RGS9: variants seen among roughly 807,000 people sequenced by gnomAD.
RGS9 encodes the protein regulator of G protein signaling 9.
In RGS9, 78 loss-of-function variants were observed where a neutral mutation model predicts 102.0. That is an observed-to-expected ratio of 0.76 (90% confidence interval 0.64 to 0.92). The LOEUF is 0.92. RGS9 is among the 40% of genes least tolerant of loss of function. The probability of loss-of-function intolerance (pLI) is 0.00; values close to 1 mark genes in which losing one functional copy is unlikely to be tolerated. For missense variants in RGS9, 833 were observed against 866.1 expected (o/e 0.96, Z 0.48); for synonymous variants, 353 against 318.6 (o/e 1.11, Z -1.15).
Position 65,153,441 on chromosome 17 carries a change from A to T in RGS9, c.77A>T (p.Asp26Val). 6.2e-7 allele frequency: 1 copy of T among 1,614,104 alleles called. No individual in the cohort carries two copies. The highest frequency in any genetic ancestry group is 8.5e-7 in the Non-Finnish European group (1 of 1,179,968). Residue 26 changes from aspartate to valine, a missense_variant, in exon 2 of 19, where the codon GAC becomes GTC. Asp to Val is a radical substitution (Grantham distance 152, BLOSUM62 -3). Around this residue, in one of 3 missense-constraint regions of RGS9, gnomAD observed 328 missense variants for 340.6 expected, o/e 0.96. Transcript: ENST00000262406. The part of the protein sequence containing the change: ...FLQKIEALVK[D>V]MQNPETGVRM... ...TTGCAGATTGAAGCGCTCGTGAAGG[A>T]CATGCAGAACCCAGAGACAGGGGTC...
chr17:65,177,125 GGT>G (rs1911667377), intron 8 of RGS9, among the ~76,000 whole-genome samples: 1 of 137,294 alleles, frequency 7.3e-6, no homozygotes, highest in East Asian at 2.3e-4. Context: ...ATCTCACTAT[GGT>G]GCTGGGGATG....
intron 1 of RGS9, among the ~76,000 whole-genome samples, chr17:65,150,178 C>G (rs1910522381): frequency 6.6e-6 from 1 of 152,176 alleles, no homozygotes; most frequent in South Asian, 2.1e-4. Flanking sequence ...CAGGAGAGAG[C>G]CCTGGGCCAG....
At chr17:65,162,484 A>C (rs1202815650) in intron 6 of RGS9, among the ~76,000 whole-genome samples, 6 of 152,092 alleles carry the variant, frequency 3.9e-5, no homozygotes. Context: ...TTTATTTGAG[A>C]GGAAGTCTCA....
intron 8 of RGS9, among the ~76,000 whole-genome samples, chr17:65,172,806 A>G (rs1278548274): frequency 6.6e-6 from 1 of 152,182 alleles, no homozygotes; most frequent in South Asian, 2.1e-4. Flanking sequence ...AACACAGGAC[A>G]CAGGACGTGG....
chr17:65,156,750 T>C (rs1598567267), intron 2 of RGS9, among the ~76,000 whole-genome samples: 2 of 152,290 alleles, frequency 1.3e-5, no homozygotes, highest in Admixed American at 1.3e-4. Flanking sequence ...TCTGCCTAGG[T>C]CTGTCTCTCT....
At chr17:65,225,572 G>A in intron 18 of RGS9, 86 bp downstream of exon 18, 1 of 1,588,410 alleles carries the variant, frequency 6.3e-7, no homozygotes, top group Non-Finnish European at 8.5e-7. Context: ...CTTTGGGCTG[G>A]GGACTGGGAT....
intron 17 of RGS9, among the ~76,000 whole-genome samples, chr17:65,222,171 G>A (rs1913725539): frequency 6.6e-6 from 1 of 152,188 alleles, no homozygotes; most frequent in Non-Finnish European, 1.5e-5. Context: ...TCAGCAGCTG[G>A]GGGCCACCTG....
At chr17:65,156,633 G>A (rs531342184) in intron 2 of RGS9, among the ~76,000 whole-genome samples, 1 of 152,238 alleles carries the variant, frequency 6.6e-6, no homozygotes, top group East Asian at 1.9e-4. Context: ...AGACCGCGTG[G>A]TACAGATGCT....
intron 1 of RGS9, among the ~76,000 whole-genome samples, chr17:65,143,091 G>A (rs1355986487): frequency 6.6e-6 from 1 of 152,028 alleles, no homozygotes; most frequent in Non-Finnish European, 1.5e-5. Context: ...TTTCCAGGTG[G>A]TTTGAATGTG....
At chr17:65,178,531 T>A (rs1319533520) in intron 9 of RGS9, among the ~76,000 whole-genome samples, 2 of 151,948 alleles carry the variant, frequency 1.3e-5, no homozygotes, top group East Asian at 3.8e-4. Context: ...TGAGACAGGG[T>A]CTCACTCTGT....
chr17:65,152,349 G>A (rs1024558364), intron 1 of RGS9, among the ~76,000 whole-genome samples: 5 of 152,132 alleles, frequency 3.3e-5, no homozygotes, highest in African/African-American at 1.2e-4. Flanking sequence ...AAGTCAGAGA[G>A]GAAGGGGGTC....
intron 2 of RGS9, among the ~76,000 whole-genome samples, chr17:65,156,923 G>A (rs1373422601): frequency 2.0e-5 from 3 of 152,200 alleles, no homozygotes; most frequent in Non-Finnish European, 1.5e-5. Context: ...CCATGACAGT[G>A]TGCATGTGGA....
At chr17:65,202,408 GGTGTGTGTGT>G (rs746368093) in intron 14 of RGS9, among the ~76,000 whole-genome samples, 1 of 132,270 alleles carries the variant, frequency 7.6e-6, no homozygotes, top group East Asian at 2.1e-4. Flanking sequence ...TGTCCTGAGG[GGTGTGTGTGT>G]GTGTGTGTGT....
intron 13 of RGS9, among the ~76,000 whole-genome samples, chr17:65,197,445 C>T (rs950396128): frequency 2.6e-5 from 4 of 152,068 alleles, no homozygotes; most frequent in Admixed American, 6.6e-5. Flanking sequence ...GAGGCCCCAC[C>T]GTCTGGGGGA....
chr17:65,215,782 A>G (rs971470763), intron 17 of RGS9, among the ~76,000 whole-genome samples: 4 of 151,876 alleles, frequency 2.6e-5, no homozygotes, highest in African/African-American at 9.7e-5. Context: ...GCTGGTCTCG[A>G]ACACCTGACC....
intron 1 of RGS9, among the ~76,000 whole-genome samples, chr17:65,141,169 G>A (rs1458010802): frequency 6.6e-6 from 1 of 152,238 alleles, no homozygotes; most frequent in Non-Finnish European, 1.5e-5. Flanking sequence ...GCTCGTTTCA[G>A]ATGTGGTAGA....
chr17:65,203,423 C>G (rs540424681), intron 14 of RGS9, among the ~76,000 whole-genome samples: 4 of 152,212 alleles, frequency 2.6e-5, no homozygotes, highest in African/African-American at 9.7e-5. Context: ...AGCCCGCTGC[C>G]TCTGCCATTA....
intron 8 of RGS9, among the ~76,000 whole-genome samples, chr17:65,174,935 G>T (rs993952809): frequency 6.6e-6 from 1 of 152,120 alleles, no homozygotes; most frequent in Non-Finnish European, 1.5e-5. Flanking sequence ...CAGATCTCAT[G>T]AGAACTCACT....
intron 12 of RGS9, among the ~76,000 whole-genome samples, chr17:65,195,256 G>C (rs185704286): frequency 6.6e-6 from 1 of 152,316 alleles, no homozygotes; most frequent in Admixed American, 6.5e-5. Context: ...AGGAGAGATG[G>C]ATGGCCGCTG....
Sources: gnomAD v4.1 joint callset for allele counts (sites outside exome capture counted in the v4.1 genomes callset) on GRCh38, gnomAD v4.1.1 for gene constraint, gnomAD v4.1.1 regional missense constraint, MANE v1.5 for transcripts, NCBI Gene and HGNC (gene_info 2026-07-23, HGNC 2026-07-21) for gene names.